The following ADAMTS15 variants were observed in gnomAD, a reference collection of about 807,000 sequenced individuals.
ADAMTS15 encodes the protein ADAM metallopeptidase with thrombospondin type 1 motif 15, also known as A disintegrin and metalloproteinase with thrombospondin motifs 15.
A neutral mutation model predicts 79.1 loss-of-function variants in ADAMTS15; 35 were observed. The observed-to-expected ratio is 0.44, with a 90% CI of 0.34 to 0.59. The LOEUF is 0.59. ADAMTS15 is among the 20% of genes least tolerant of loss of function. The pLI is 0.02. For synonymous variants in ADAMTS15, 616 were observed against 567.3 expected (o/e 1.09, Z -1.22); for missense variants, 1,324 against 1,318.7 (o/e 1.00, Z -0.06).
rs957538251 is a variant in ADAMTS15 at position 130,471,608 on chromosome 11, G to A, written c.2078+225G>A. 2.6e-5 allele frequency among the ~76,000 whole-genome samples: 4 copies of A among 152,024 alleles called. No homozygotes were observed. In the East Asian group the frequency reaches 7.7e-4, roughly 29 times the overall value. On this transcript the variant is annotated intron_variant, in intron 7 of 7. Coordinates refer to ENST00000299164, the MANE Select transcript of ADAMTS15 (RefSeq NM_139055.4). ...TTTCAGCAAGCAAAGACGAATGCTG[G>A]GGGAAGACCCACTTAACAGGAGATG...
In ADAMTS15 at chr11:130,473,953, C is replaced by A; in HGVS notation, c.*132C>A. 1 of 1,290,834 alleles carries A rather than the reference C, an allele frequency of 7.7e-7. No individual in the cohort carries two copies. Among genetic ancestry groups the A allele is most frequent in the Non-Finnish European group, 1.0e-6 (1 of 964,670 alleles). 80.0% of individuals were successfully genotyped at this position (1,290,834 alleles called of 1,614,324 possible). ...TGTCACCCACATCCGGGGACAAGGA[C>A]CATGGGCTGGGGCGAGAGGTTCCCT... On this transcript the variant is annotated 3_prime_UTR_variant, in exon 8 of 8. Coordinates refer to ENST00000299164, the MANE Select transcript of ADAMTS15 (RefSeq NM_139055.4).
chr11:130,454,248 G>A (rs1938027495), intron 1 of ADAMTS15, among the ~76,000 whole-genome samples: 1 of 152,160 alleles, frequency 6.6e-6, no homozygotes, highest in South Asian at 2.1e-4. Context: ...GATCTTTGCA[G>A]TCTTTCTCTT....
intron 1 of ADAMTS15, among the ~76,000 whole-genome samples, chr11:130,460,967 A>T (rs2134725814): frequency 6.6e-6 from 1 of 152,282 alleles, no homozygotes; most frequent in East Asian, 1.9e-4. Flanking sequence ...CAGCCTGATC[A>T]CTGGCATGGG....
chr11:130,471,260 G>A lies in ADAMTS15; in HGVS notation c.1955G>A (p.Gly652Asp), dbSNP rs373574001. ...GACTCCACCTCCGTCTGTGTCCAAG[G>A]CAAGTGCATCAAGGCTGGCTGTGAT... ...SPDSTSVCVQ[G>D]KCIKAGCDGN... The change falls in exon 7 of 8, where the codon GGC (glycine) becomes GAC (aspartate). Residue 652 changes from glycine to aspartate, a missense_variant. Coordinates refer to ENST00000299164, the MANE Select transcript of ADAMTS15 (RefSeq NM_139055.4). 5.0e-6 allele frequency: 8 copies of A among 1,612,614 alleles called. No individual in the cohort carries two copies. Among genetic ancestry groups the A allele is most frequent in the Non-Finnish European group, 6.8e-6 (8 of 1,179,598 alleles).
intron 1 of ADAMTS15, 80 bp downstream of exon 1, chr11:130,450,010 T>A (rs966223330): frequency 2.6e-6 from 4 of 1,542,400 alleles, no homozygotes; most frequent in Admixed American, 3.6e-5. Flanking sequence ...AAATCCCCTT[T>A]GTATCGTGCA....
chr11:130,449,641 T>C lies in ADAMTS15; in HGVS notation c.668T>C (p.Leu223Pro). 6.3e-7 allele frequency: 1 copy of C among 1,583,912 alleles called. No individual in the cohort carries two copies. The highest frequency in any genetic ancestry group is 1.1e-5 in the South Asian group (1 of 87,508). Residue 223 changes from leucine (L) to proline (P), a missense_variant, in exon 1 of 8, where the codon CTG becomes CCG. By Grantham distance (98) the Leu-to-Pro change is moderately conservative. Transcript: ENST00000299164. This position sits in a 1 kb window ranked among gnomAD's most constrained non-coding sequence, Gnocchi z 7.8. ...FVSIPRYVETLVVADESMVKF... is the reference protein window; with the variant it reads ...FVSIPRYVETPVVADESMVKF... ...TCTATCCCGCGGTACGTGGAGACGCTGGTGGTCGCGGACGAGTCAATGGTC... is the reference window on the plus strand; with the variant it reads ...TCTATCCCGCGGTACGTGGAGACGCCGGTGGTCGCGGACGAGTCAATGGTC...
chr11:130,470,167 T>TATATATAC (rs1565397712), intron 5 of ADAMTS15, among the ~76,000 whole-genome samples: 15 of 57,628 alleles, frequency 2.6e-4, no homozygotes, highest in African/African-American at 1.5e-3. Context: ...TATATATATA[T>TATATATAC]ATATATATAT....
chr11:130,469,493 TC>T, intron 5 of ADAMTS15, 54 bp downstream of exon 5: 1 of 1,262,236 alleles, frequency 7.9e-7, no homozygotes, highest in Non-Finnish European at 1.0e-6. Context: ...AGGCTGGAGG[TC>T]CCCCCACCCC....
In ADAMTS15 at chr11:130,468,568, T is replaced by A. The variant is rs565766822; in HGVS notation, c.1543-694T>A. On this transcript the variant is annotated intron_variant, in intron 4 of 7. Coordinates refer to ENST00000299164, the MANE Select transcript of ADAMTS15 (RefSeq NM_139055.4). ...ATCACGAGGTCAGGAGATCGAGACC[T>A]TCCTGGCTAACACGGTGAAACCCCA... 9.8e-4 allele frequency among the ~76,000 whole-genome samples: 148 copies of A among 151,588 alleles called. 2 individuals are homozygous for A. The South Asian group carries it at 0.027, about 28-fold the overall frequency.
In ADAMTS15 at chr11:130,462,082, C is replaced by A. The variant is rs1458399046; in HGVS notation, c.1091-5C>A. Reference sequence around the variant, plus strand: ...CCCTCTCAGTCCTCTTGCCTTACCCCACAGGCCACGTGTTCAACATGCCCC... The same window carrying A: ...CCCTCTCAGTCCTCTTGCCTTACCCAACAGGCCACGTGTTCAACATGCCCC... On this transcript the variant is annotated splice_region_variant and splice_polypyrimidine_tract_variant and intron_variant, in intron 2 of 7. Coordinates refer to ENST00000299164, the MANE Select transcript of ADAMTS15 (RefSeq NM_139055.4). This position sits in a 1 kb window ranked among gnomAD's most constrained non-coding sequence, Gnocchi z 4.3. 1.2e-6 allele frequency: 2 copies of A among 1,611,558 alleles called. No homozygotes were observed. The highest frequency in any genetic ancestry group is 8.5e-7 in the Non-Finnish European group (1 of 1,178,496).
intron 4 of ADAMTS15, among the ~76,000 whole-genome samples, chr11:130,468,198 A>G (rs1266903992): frequency 6.6e-6 from 1 of 152,142 alleles, no homozygotes; most frequent in Non-Finnish European, 1.5e-5. Flanking sequence ...CTGTTACGCC[A>G]CTTCTGTCAT....
intron 1 of ADAMTS15, among the ~76,000 whole-genome samples, chr11:130,461,219 C>T (rs1437935519): frequency 6.6e-6 from 1 of 152,120 alleles, no homozygotes; most frequent in Non-Finnish European, 1.5e-5. Context: ...TCCTAATTTC[C>T]TCCCAGAGGA....
At chr11:130,461,952 A>G in intron 2 of ADAMTS15, 135 bp from the exon 3 acceptor site, 1 of 1,048,012 alleles carries the variant, frequency 9.5e-7, no homozygotes, top group Non-Finnish European at 1.4e-6. Context: ...GACATTTGAA[A>G]GCAGTCTGTC....
Position 130,458,531 on chromosome 11 carries a change from T to C in ADAMTS15, c.958-2958T>C, listed in dbSNP as rs556381400. Among the ~76,000 whole-genome samples, 389 of 152,294 alleles carry C rather than the reference T, an allele frequency of 2.6e-3. 2 individuals carry two copies. Among genetic ancestry groups the C allele is most frequent in the African/African-American group, 8.5e-3 (355 of 41,574 alleles). ...CATTCTGTGGGTTCCCTTTATAACCTACAGGGCCAGAAGGGGCTGCATGCT... is the reference window on the plus strand; with the variant it reads ...CATTCTGTGGGTTCCCTTTATAACCCACAGGGCCAGAAGGGGCTGCATGCT... On this transcript the variant is annotated intron_variant, in intron 1 of 7. Transcript: ENST00000299164.
chr11:130,456,041 C>T (rs779043719), intron 1 of ADAMTS15, among the ~76,000 whole-genome samples: 5 of 152,146 alleles, frequency 3.3e-5, no homozygotes, highest in Admixed American at 6.5e-5. Context: ...CCTCACTCTG[C>T]GCCCTTCCTC....
At chr11:130,470,159 T>TACAC (rs1565397668) in intron 5 of ADAMTS15, among the ~76,000 whole-genome samples, 2 of 50,184 alleles carry the variant, frequency 4.0e-5, no homozygotes, top group African/African-American at 2.4e-4. Flanking sequence ...TATGTGTATA[T>TACAC]ATATATATAT....
chr11:130,473,384 G>A lies in ADAMTS15; in HGVS notation c.2416G>A (p.Glu806Lys). The A allele has an allele frequency of 6.2e-7, 1 of 1,612,810 alleles. No homozygotes were observed. The highest frequency in any genetic ancestry group is 8.5e-7 in the Non-Finnish European group (1 of 1,179,996). ...CTTCTATCTGCCCAAAGAGCCTCGG[G>A]AGGACAAGTCCTCTCATCCCAAGGA... The part of the protein sequence containing the change: ...YSFYLPKEPR[E>K]DKSSHPKDPR... The change falls in exon 8 of 8, where the codon GAG (glutamate) becomes AAG (lysine). Residue 806 changes from glutamate (E) to lysine (K), a missense_variant. By Grantham distance (56) the Glu-to-Lys change is moderately conservative. Transcript: ENST00000299164.
intron 1 of ADAMTS15, among the ~76,000 whole-genome samples, chr11:130,459,025 GTTTTTTTTTTTTTT>G (rs757221690): frequency 1.3e-5 from 1 of 75,408 alleles, no homozygotes. Flanking sequence ...CCTCCCAAGT[GTTTTTTTTTTTTTT>G]TTTTTTTTTT....
Position 130,449,877 on chromosome 11 carries a change from G to A in ADAMTS15, c.904G>A (p.Val302Met). 1 of 1,603,168 alleles carries A rather than the reference G, an allele frequency of 6.2e-7. No homozygotes were observed. Among genetic ancestry groups the A allele is most frequent in the African/African-American group, 1.3e-5 (1 of 75,060 alleles). The change falls in exon 1 of 8, where the codon GTG becomes ATG. Residue 302 changes from valine to methionine, a missense_variant. Val to Met is a conservative substitution (Grantham distance 21). Coordinates refer to ENST00000299164, the MANE Select transcript of ADAMTS15 (RefSeq NM_139055.4). The surrounding 1 kb of genome is among the most constrained non-coding windows in gnomAD (Gnocchi z 7.8). The stretch of plus-strand genomic sequence containing the variant: ...TGCCTGGCAGAAGAAGCTGAACAAA[G>A]TGAGTGACAAGCACCCCGAGTACTG... ...FCAWQKKLNK[V>M]SDKHPEYWDT...
Sources: gnomAD v4.1 joint callset for allele counts (sites outside exome capture counted in the v4.1 genomes callset) on GRCh38, gnomAD v4.1.1 for gene constraint, Gnocchi (gnomAD v3.1) non-coding constraint, MANE v1.5 for transcripts, NCBI Gene and HGNC (gene_info 2026-07-23, HGNC 2026-07-21) for gene names.